The following EYA2 variants were observed in gnomAD, a reference collection of about 807,000 sequenced individuals.
EYA2 encodes protein phosphatase EYA2.
Under a neutral mutation model 69.2 loss-of-function variants are expected in EYA2, and 31 were observed. The observed-to-expected ratio is 0.45, with a 90% CI of 0.34 to 0.60. The LOEUF (loss-of-function observed/expected upper bound fraction) is 0.60, where lower values mean the gene tolerates loss of function less well. EYA2 is among the 20% of genes least tolerant of loss of function. EYA2 has a pLI of 0.02. For synonymous variants in EYA2, 257 were observed against 279.4 expected (o/e 0.92, Z 0.80); for missense variants, 622 against 701.2 (o/e 0.89, Z 1.28).
chr20:46,943,913 A>G (rs1008671407), intron 1 of EYA2, among the ~76,000 whole-genome samples: 10 of 151,902 alleles, frequency 6.6e-5, no homozygotes, highest in African/African-American at 2.4e-4. Flanking sequence ...TTTCTTTTAT[A>G]TCTCTCCCTC....
At chr20:47,094,360 A>G (rs1331317809) in intron 8 of EYA2, among the ~76,000 whole-genome samples, 2 of 152,252 alleles carry the variant, frequency 1.3e-5, no homozygotes, top group Non-Finnish European at 2.9e-5. Flanking sequence ...AAACATTTTT[A>G]CCATGACCCG....
chr20:47,016,983 G>C (rs1013865460), intron 5 of EYA2, among the ~76,000 whole-genome samples: 1 of 152,202 alleles, frequency 6.6e-6, no homozygotes, highest in Admixed American at 6.5e-5. Context: ...GGGTGAAGAA[G>C]CTGTTATTCC....
intron 1 of EYA2, among the ~76,000 whole-genome samples, chr20:46,953,152 T>C (rs1210008288): frequency 6.6e-6 from 1 of 152,250 alleles, no homozygotes. Flanking sequence ...ATAGCAAATG[T>C]TCCTATAATA....
At chr20:46,978,618 G>A (rs1980612165) in intron 1 of EYA2, 1 of 534,794 alleles carries the variant, frequency 1.9e-6, no homozygotes, top group South Asian at 1.4e-5. Flanking sequence ...AGCCGTCAGA[G>A]GTTATAAGCA....
intron 10 of EYA2, among the ~76,000 whole-genome samples, chr20:47,145,210 G>A (rs923002088): frequency 3.3e-5 from 5 of 152,098 alleles, no homozygotes; most frequent in Non-Finnish European, 7.4e-5. Flanking sequence ...AAGTGATGGG[G>A]ATGGAGGAGG....
intron 5 of EYA2, among the ~76,000 whole-genome samples, chr20:47,017,622 C>G (rs995206837): frequency 3.3e-5 from 5 of 151,902 alleles, no homozygotes; most frequent in Non-Finnish European, 1.5e-5. Context: ...CATTCATGCC[C>G]AGCCCTGAGA....
intron 1 of EYA2, among the ~76,000 whole-genome samples, chr20:46,918,801 C>T (rs143525918): frequency 2.7e-3 from 408 of 152,276 alleles, no homozygotes; most frequent in African/African-American, 8.9e-3. Context: ...TTTACTTTGC[C>T]CAAATCTATC....
chr20:47,170,237 G>A (rs2034290734), intron 11 of EYA2, among the ~76,000 whole-genome samples: 1 of 151,890 alleles, frequency 6.6e-6, no homozygotes, highest in African/African-American at 2.4e-5. Context: ...TATAACAATT[G>A]ATACAGCCAA....
chr20:47,119,268 A>G (rs1471221696), intron 9 of EYA2, among the ~76,000 whole-genome samples: 1 of 152,164 alleles, frequency 6.6e-6, no homozygotes, highest in Non-Finnish European at 1.5e-5. Context: ...GTTGACTTTG[A>G]CAGGGAAATA....
chr20:46,987,339 C>T (rs1341401900), intron 1 of EYA2, among the ~76,000 whole-genome samples: 1 of 152,152 alleles, frequency 6.6e-6, no homozygotes, highest in Admixed American at 6.5e-5. Context: ...ATTTTGCAAC[C>T]ATTTAAAAAT....
intron 5 of EYA2, among the ~76,000 whole-genome samples, chr20:47,051,381 C>G (rs1295479943): frequency 6.6e-6 from 1 of 152,128 alleles, no homozygotes; most frequent in African/African-American, 2.4e-5. Flanking sequence ...AAGTCAAATA[C>G]CCACCGAAAC....
At chr20:47,184,917 G>A (rs907047088) in intron 15 of EYA2, among the ~76,000 whole-genome samples, 4 of 152,156 alleles carry the variant, frequency 2.6e-5, no homozygotes, top group Non-Finnish European at 4.4e-5. Flanking sequence ...AAGAAGACTA[G>A]GTACACACCC....
chr20:47,006,150 G>A (rs1982698774), intron 4 of EYA2, among the ~76,000 whole-genome samples: 1 of 152,160 alleles, frequency 6.6e-6, no homozygotes. Context: ...CAAAAAGAGA[G>A]CCCCTCCTGT....
intron 5 of EYA2, among the ~76,000 whole-genome samples, chr20:47,054,011 T>C (rs542080831): frequency 1.3e-5 from 2 of 152,246 alleles, no homozygotes; most frequent in East Asian, 3.9e-4. Flanking sequence ...GTATTGATGA[T>C]GACACTCACC....
intron 1 of EYA2, among the ~76,000 whole-genome samples, chr20:46,977,995 G>A (rs558677300): frequency 6.6e-6 from 1 of 152,308 alleles, no homozygotes; most frequent in African/African-American, 2.4e-5. Flanking sequence ...CCTGGGGCGT[G>A]ATATACCTGT....
At chr20:46,974,131 G>A (rs949017072) in intron 1 of EYA2, among the ~76,000 whole-genome samples, 1 of 152,136 alleles carries the variant, frequency 6.6e-6, no homozygotes, top group Non-Finnish European at 1.5e-5. Context: ...GGGCTATTGG[G>A]AAGATTAAGG....
chr20:47,130,110 T>C (rs994175462), intron 9 of EYA2, among the ~76,000 whole-genome samples: 2 of 152,066 alleles, frequency 1.3e-5, no homozygotes, highest in African/African-American at 4.8e-5. Flanking sequence ...AAAGCAGATT[T>C]CAACCTTGAA....
intron 9 of EYA2, among the ~76,000 whole-genome samples, chr20:47,116,448 G>A (rs1207823734): frequency 1.3e-5 from 2 of 152,160 alleles, no homozygotes; most frequent in East Asian, 3.8e-4. Flanking sequence ...AAAGTGCTGG[G>A]ATCATAGGCA....
intron 5 of EYA2, among the ~76,000 whole-genome samples, chr20:47,063,511 C>G (rs555333012): frequency 7.9e-5 from 12 of 151,648 alleles, no homozygotes; most frequent in Admixed American, 1.3e-4. Context: ...AGAACTGAAT[C>G]AAAAGGAAAA....
Sources: allele counts gnomAD v4.1 joint callset (sites outside exome capture counted in the v4.1 genomes callset), GRCh38; gene constraint gnomAD v4.1.1; transcripts MANE v1.5; gene names NCBI Gene and HGNC (gene_info 2026-07-23, HGNC 2026-07-21).